NCOR1: variants seen among roughly 807,000 people sequenced by gnomAD.
NCOR1 encodes the protein protein phosphatase 1, regulatory subunit 109.
A neutral mutation model predicts 288.1 loss-of-function variants in NCOR1; 63 were observed. The observed-to-expected ratio is 0.22, with a 90% confidence interval of 0.18 to 0.27. The LOEUF is 0.27. NCOR1 is among the 10% of genes least tolerant of loss of function. The pLI is 1.00. For missense variants in NCOR1, 2,397 were observed against 3,019.2 expected, an observed-to-expected ratio of 0.79 and a Z score of 4.83; for synonymous variants, 1,007 against 1,065.9, an observed-to-expected ratio of 0.94 and a Z score of 1.08.
intron 26 of NCOR1, among the ~76,000 whole-genome samples, chr17:16,079,301 A>G (rs568537838): frequency 7.7e-4 from 118 of 152,348 alleles, no homozygotes; most frequent in African/African-American, 2.5e-3. Flanking sequence ...CTAGACAAAT[A>G]AAAAACTTGT....
intron 1 of NCOR1, among the ~76,000 whole-genome samples, chr17:16,208,654 CA>C (rs2091830641): frequency 6.6e-6 from 1 of 151,686 alleles, no homozygotes; most frequent in African/African-American, 2.4e-5. Flanking sequence ...AATTTGAGGT[CA>C]GCCTGAGCAA....
rs562051647 is a variant in NCOR1, at chr17:16,029,162, C to T, written c.*3134G>A. 1 of 452,776 alleles carries T rather than the reference C, an allele frequency of 2.2e-6. No homozygotes were observed. The highest frequency in any genetic ancestry group is 2.0e-5 in the African/African-American group (1 of 49,976). The allele number at this position is 452,776 out of a possible 1,614,324, so 28.0% of individuals were successfully genotyped here. A position where few individuals can be genotyped will look rare whatever the true frequency, so the allele number is the denominator to read the frequency against. ...CTGCAGGGGTTACTGAAAGGTTTTT[C>T]ATTCCAAGTTTTATTTATTTATTAA... On this transcript the variant is annotated 3_prime_UTR_variant, in exon 46 of 46. Coordinates refer to ENST00000268712, the MANE Select transcript of NCOR1 (RefSeq NM_006311.4).
At position 16,029,218 on chromosome 17, in the gene NCOR1, G is replaced by A. The variant is rs985676651; in HGVS notation, c.*3078C>T. On this transcript the variant is annotated 3_prime_UTR_variant, in exon 46 of 46. Transcript: ENST00000268712. ...AATCATCCACAGTGACTCAGCTCAT[G>A]GTCTCGTTGTTGGAAACACTAGGAG... 11 of 453,698 alleles carry A rather than the reference G, an allele frequency of 2.4e-5. No individual in the cohort carries two copies. Among genetic ancestry groups the A allele is most frequent in the Non-Finnish European group, 4.0e-5 (9 of 226,726 alleles). 28.1% of individuals were successfully genotyped at this position (453,698 alleles called of 1,614,324 possible).
intron 1 of NCOR1, among the ~76,000 whole-genome samples, chr17:16,199,216 A>AAAAAAAACAC (rs1337668798): frequency 1.6e-5 from 2 of 122,320 alleles, no homozygotes; most frequent in African/African-American, 3.3e-5. Flanking sequence ...AAAAAAAAAA[A>AAAAAAAACAC]ACACACACAC....
At chr17:16,046,636 A>G (rs2058696724) in intron 42 of NCOR1, among the ~76,000 whole-genome samples, 1 of 152,234 alleles carries the variant, frequency 6.6e-6, no homozygotes, top group African/African-American at 2.4e-5. Flanking sequence ...AATGGACAAA[A>G]TGAAGACTGA....
intron 8 of NCOR1, among the ~76,000 whole-genome samples, chr17:16,150,571 A>T (rs551131470): frequency 6.6e-6 from 1 of 152,308 alleles, no homozygotes; most frequent in South Asian, 2.1e-4. Context: ...GCCAGTCAGT[A>T]GTCCATCTAG....
intron 29 of NCOR1, 84 bp downstream of exon 29, chr17:16,072,061 C>A: frequency 9.4e-7 from 1 of 1,060,966 alleles, no homozygotes; most frequent in Non-Finnish European, 1.4e-6. Context: ...ACTTGAAAAG[C>A]AGAAATACAC....
chr17:16,042,064 A>C (rs1488693861), intron 42 of NCOR1, among the ~76,000 whole-genome samples: 2 of 152,194 alleles, frequency 1.3e-5, no homozygotes, highest in Non-Finnish European at 2.9e-5. Flanking sequence ...AGACCACAGA[A>C]GGATGGACTC....
intron 3 of NCOR1, among the ~76,000 whole-genome samples, chr17:16,183,230 CAAA>C (rs59665102): frequency 1.6e-5 from 1 of 64,092 alleles, no homozygotes; most frequent in Non-Finnish European, 3.7e-5. Context: ...AGCAATCAAA[CAAA>C]AAAAAAAAAA....
intron 15 of NCOR1, among the ~76,000 whole-genome samples, chr17:16,123,138 A>G (rs1490319226): frequency 6.6e-6 from 1 of 152,060 alleles, no homozygotes; most frequent in African/African-American, 2.4e-5. Context: ...CATATCCAAA[A>G]TCATATTCAT....
Position 16,029,993 on chromosome 17 carries a change from C to T in NCOR1, c.*2303G>A, listed in dbSNP as rs1597479378. 6.0e-6 allele frequency: 1 copy of T among 166,916 alleles called. No individual in the cohort carries two copies. The highest frequency in any genetic ancestry group is 2.0e-4 in the South Asian group (1 of 4,928). 10.3% of individuals were successfully genotyped at this position (166,916 alleles called of 1,614,324 possible). ...ATAATGCAGGAGTTAGGGGCATAGA[C>T]CCCCTAAGTAGTCAAAAATCCACAT... is the stretch of plus-strand genomic sequence containing the variant. On this transcript the variant is annotated 3_prime_UTR_variant, in exon 46 of 46. Coordinates refer to ENST00000268712, the MANE Select transcript of NCOR1 (RefSeq NM_006311.4).
At chr17:16,154,757 A>C (rs566815009) in intron 6 of NCOR1, among the ~76,000 whole-genome samples, 1 of 152,336 alleles carries the variant, frequency 6.6e-6, no homozygotes, top group East Asian at 1.9e-4. Flanking sequence ...CGAAAATATG[A>C]AAGATGGGTT....
At chr17:16,051,011 A>T (rs1384732256) in intron 40 of NCOR1, among the ~76,000 whole-genome samples, 1 of 151,636 alleles carries the variant, frequency 6.6e-6, no homozygotes, top group Non-Finnish European at 1.5e-5. Context: ...TTTATTTTTT[A>T]GTTTTTTTGT....
At chr17:16,144,766 C>T (rs186375049) in intron 10 of NCOR1, among the ~76,000 whole-genome samples, 84 of 151,988 alleles carry the variant, frequency 5.5e-4, no homozygotes, top group African/African-American at 1.9e-3. Flanking sequence ...CCACGATCTC[C>T]CTCTCCCTCT....
At chr17:16,071,336 AATTATT>A in intron 30 of NCOR1, 67 bp downstream of exon 30, 2 of 1,537,620 alleles carry the variant, frequency 1.3e-6, no homozygotes, top group Non-Finnish European at 1.8e-6. Context: ...AACCACTTAT[AATTATT>A]AAGTCACACT....
rs779523609 is a variant in NCOR1, at chr17:16,062,138, G to A, written c.5354C>T (p.Thr1785Ile). The change falls in exon 36 of 46, where the codon ACA becomes ATA. Residue 1785 changes from threonine (T) to isoleucine (I), a missense_variant. This residue lies in a region of NCOR1 where 1,872 missense variants were observed against 2,187.8 expected (regional missense o/e 0.86). Coordinates refer to ENST00000268712, the MANE Select transcript of NCOR1 (RefSeq NM_006311.4). ...FQGTNGTSVI[T>I]PLDPTAQLRI... ...TAGCTGAGCAGTTGGATCCAAAGGT[G>A]TGATTACACTGGTTCCATTGGTTCC... is the stretch of plus-strand genomic sequence containing the variant. 1.2e-6 allele frequency: 2 copies of A among 1,613,452 alleles called. No homozygotes were observed. The highest frequency in any genetic ancestry group is 1.3e-5 in the African/African-American group (1 of 74,888).
chr17:16,127,729 G>GTGTATATATACATATA (rs2074954571), intron 14 of NCOR1, among the ~76,000 whole-genome samples: 1 of 118,974 alleles, frequency 8.4e-6, no homozygotes, highest in African/African-American at 3.1e-5. Context: ...ATACATATAT[G>GTGTATATATACATATA]TGTATATATG....
intron 19 of NCOR1, among the ~76,000 whole-genome samples, chr17:16,105,842 G>A (rs140057497): frequency 2.8e-4 from 42 of 152,292 alleles, no homozygotes; most frequent in African/African-American, 9.1e-4. Flanking sequence ...GCTCATGCCT[G>A]TAATCCCAGC....
rs58712974 is a variant in NCOR1 at position 16,185,683 on chromosome 17, C to CAAAAA, written c.242+866_242+870dup. Among the ~76,000 whole-genome samples the CAAAAA allele has an allele frequency of 2.4e-4, 8 of 33,384 alleles. 1 individual carries two copies. The highest frequency in any genetic ancestry group is 4.7e-4 in the African/African-American group (4 of 8,458). 21.9% of individuals were successfully genotyped at this position (33,384 alleles called of 152,430 possible). On this transcript the variant is annotated intron_variant, in intron 3 of 45. Coordinates refer to ENST00000268712, the MANE Select transcript of NCOR1 (RefSeq NM_006311.4). ...GGGTGACAAGAGTGAGACTCTTTCT[C>CAAAAA]AAAAAAAAAAAAAAAAAAAAAAAAA... is the stretch of plus-strand genomic sequence containing the variant.
Sources: allele counts gnomAD v4.1 joint callset (sites outside exome capture counted in the v4.1 genomes callset), GRCh38; gene constraint gnomAD v4.1.1; regional missense constraint gnomAD v4.1.1; transcripts MANE v1.5; gene names NCBI Gene and HGNC (gene_info 2026-07-23, HGNC 2026-07-21).